CIMAP3: variants seen among roughly 807,000 people sequenced by gnomAD.
CIMAP3 encodes ciliary microtubule associated protein 3.
chr1:111,346,668 G>C, the CIMAP3 span: 1 of 1,614,156 alleles, frequency 6.2e-7, no homozygotes, highest in South Asian at 1.1e-5. Flanking sequence ...CTTCAGCAGA[G>C]CAGGTGAGGA....
At chr1:111,334,165 C>A in the CIMAP3 span, among the ~76,000 whole-genome samples, 1 of 152,264 alleles carries the variant, frequency 6.6e-6, no homozygotes, top group Non-Finnish European at 1.5e-5. Context: ...TTGCTTCAGA[C>A]TAATTCTCCA....
the CIMAP3 span, chr1:111,350,325 T>C: frequency 1.1e-6 from 1 of 934,028 alleles, no homozygotes. Context: ...CTTCAGGAAG[T>C]CCTTGGTCCC....
the CIMAP3 span, among the ~76,000 whole-genome samples, chr1:111,334,461 A>G: frequency 5.3e-5 from 8 of 152,212 alleles, no homozygotes; most frequent in African/African-American, 1.9e-4. Context: ...GCTGGAATAA[A>G]TAATACTTCA....
At chr1:111,344,185 A>G in the CIMAP3 span, among the ~76,000 whole-genome samples, 10 of 152,224 alleles carry the variant, frequency 6.6e-5, no homozygotes, top group Non-Finnish European at 1.2e-4. Context: ...TGTTTATTAC[A>G]TGCAATAAGG....
chr1:111,333,534 G>T, the CIMAP3 span, among the ~76,000 whole-genome samples: 1 of 152,204 alleles, frequency 6.6e-6, no homozygotes, highest in Non-Finnish European at 1.5e-5. Context: ...GGCTCATGAG[G>T]ACTGTGGTAT....
the CIMAP3 span, among the ~76,000 whole-genome samples, chr1:111,333,368 C>T: frequency 7.9e-5 from 12 of 152,126 alleles, no homozygotes; most frequent in African/African-American, 2.7e-4. Flanking sequence ...CTATTGGCCC[C>T]CAGAGGAGGA....
the CIMAP3 span, chr1:111,351,166 GTTTTTTTT>G: frequency 1.2e-4 from 67 of 576,226 alleles, no homozygotes; most frequent in Middle Eastern, 3.5e-4. Context: ...ATAATGTACA[GTTTTTTTT>G]TTTTTTTTTT....
the CIMAP3 span, among the ~76,000 whole-genome samples, chr1:111,341,255 G>T: frequency 6.6e-6 from 1 of 151,636 alleles, no homozygotes; most frequent in African/African-American, 2.4e-5. Flanking sequence ...TATACCTAAT[G>T]CTAGATGACG....
the CIMAP3 span, among the ~76,000 whole-genome samples, chr1:111,329,224 C>T: frequency 6.6e-6 from 1 of 152,044 alleles, no homozygotes. Context: ...ACCTGTTAGC[C>T]TCATGGAGTA....
the CIMAP3 span, chr1:111,346,581 G>GC: frequency 6.2e-7 from 1 of 1,607,250 alleles, no homozygotes; most frequent in Non-Finnish European, 8.5e-7. Flanking sequence ...GCGCTCCGCA[G>GC]CTGGGAATCA....
chr1:111,346,479 T>C, the CIMAP3 span: 3 of 875,054 alleles, frequency 3.4e-6, no homozygotes, highest in African/African-American at 3.4e-5. Context: ...CCCTGGGCTT[T>C]GGGCTCCAAG....
At chr1:111,331,894 G>T in the CIMAP3 span, among the ~76,000 whole-genome samples, 1 of 152,088 alleles carries the variant, frequency 6.6e-6, no homozygotes, top group Non-Finnish European at 1.5e-5. Context: ...TGGGATGTCA[G>T]TTCAGGGAGG....
chr1:111,333,383 C>G, the CIMAP3 span, among the ~76,000 whole-genome samples: 1 of 152,292 alleles, frequency 6.6e-6, no homozygotes, highest in East Asian at 1.9e-4. Context: ...GGAGGAAGCA[C>G]TCCAGAAGTA....
chr1:111,351,407 C>A, the CIMAP3 span: 3 of 1,244,148 alleles, frequency 2.4e-6, no homozygotes, highest in Non-Finnish European at 3.3e-6. Context: ...TCTTCTTCTA[C>A]GTTACTGTGG....
At chr1:111,339,668 AAGG>A in the CIMAP3 span, among the ~76,000 whole-genome samples, 3 of 151,916 alleles carry the variant, frequency 2.0e-5, no homozygotes, top group Non-Finnish European at 4.4e-5. Context: ...GGACCTCTTC[AAGG>A]AGAACTACAA....
chr1:111,336,537 A>T, the CIMAP3 span, among the ~76,000 whole-genome samples: 1 of 152,252 alleles, frequency 6.6e-6, no homozygotes, highest in Non-Finnish European at 1.5e-5. Context: ...AGGCTCGAGA[A>T]CTACATGAAG....
chr1:111,339,040 C>T, the CIMAP3 span, among the ~76,000 whole-genome samples: 105 of 152,294 alleles, frequency 6.9e-4, 1 homozygote, highest in Non-Finnish European at 2.8e-4. Context: ...GAATGCAAGG[C>T]TGGTTCAATA....
chr1:111,329,087 T>C, the CIMAP3 span, among the ~76,000 whole-genome samples: 1 of 152,222 alleles, frequency 6.6e-6, no homozygotes, highest in Non-Finnish European at 1.5e-5. Flanking sequence ...AGGATCTTAT[T>C]TCTCCTTCAC....
At chr1:111,348,950 A>T in the CIMAP3 span, 1 of 231,538 alleles carries the variant, frequency 4.3e-6, no homozygotes, top group African/African-American at 2.3e-5. Flanking sequence ...GAGTCCAGAC[A>T]GAGCACAGGC....
Sources: allele counts gnomAD v4.1 joint callset (sites outside exome capture counted in the v4.1 genomes callset), GRCh38; gene constraint gnomAD v4.1.1; transcripts MANE v1.5; gene names NCBI Gene and HGNC (gene_info 2026-07-23, HGNC 2026-07-21).